ARID1B: variants seen among roughly 807,000 people sequenced by gnomAD.
The protein encoded by ARID1B is AT-rich interaction domain 1B.
ARID1B carries 30 observed loss-of-function variants against 212.3 expected under a neutral mutation model. That is an observed-to-expected ratio of 0.14 (90% CI 0.11 to 0.19). ARID1B has a LOEUF of 0.19. Ranked by LOEUF, ARID1B falls within the 10% of genes least tolerant of loss-of-function variation. The pLI is 1.00. For synonymous variants in ARID1B, 1,402 were observed against 1,301.7 expected, an observed-to-expected ratio of 1.08 and a Z score of -1.66; for missense variants, 2,891 against 3,204.0, an observed-to-expected ratio of 0.90 and a Z score of 2.36.
intron 4 of ARID1B, among the ~76,000 whole-genome samples, chr6:157,077,444 G>A (rs144907009): frequency 4.9e-4 from 74 of 152,146 alleles, no homozygotes; most frequent in African/African-American, 1.3e-3. Context: ...GCCAGGCTCC[G>A]GAGCCTCACC....
intron 4 of ARID1B, among the ~76,000 whole-genome samples, chr6:157,016,808 G>A (rs999970748): frequency 2.0e-5 from 3 of 152,112 alleles, no homozygotes; most frequent in Admixed American, 6.5e-5. Flanking sequence ...CGTTTGTTTC[G>A]ATGTTTAATA....
intron 2 of ARID1B, among the ~76,000 whole-genome samples, chr6:156,853,132 TA>T (rs1784690477): frequency 6.6e-6 from 1 of 152,222 alleles, no homozygotes; most frequent in Non-Finnish European, 1.5e-5. Flanking sequence ...AGGACTGGAT[TA>T]GGAATTAGGA....
At chr6:157,108,497 C>T (rs1035671041) in intron 5 of ARID1B, among the ~76,000 whole-genome samples, 5 of 152,102 alleles carry the variant, frequency 3.3e-5, no homozygotes, top group African/African-American at 1.2e-4. Flanking sequence ...GCTGATTCCC[C>T]AGTGACATTT....
chr6:157,003,858 A>T (rs943934788), intron 4 of ARID1B, among the ~76,000 whole-genome samples: 1 of 151,548 alleles, frequency 6.6e-6, no homozygotes, highest in Non-Finnish European at 1.5e-5. Flanking sequence ...CTGGATAATT[A>T]AAAAAAAATT....
At position 156,778,306 on chromosome 6, in the gene ARID1B, A is replaced by G. The variant is rs1209976011; in HGVS notation, c.626A>G (p.Gln209Arg). 6.5e-7 allele frequency: 1 copy of G among 1,545,294 alleles called. No homozygotes were observed. Among genetic ancestry groups the G allele is most frequent in the Non-Finnish European group, 8.7e-7 (1 of 1,146,714 alleles). ...CAGCAGCAGCAACAGCAGCAGCAGCAGCAGCAGCAACAGCAACATCCCATT... is the reference window on the plus strand; with the variant it reads ...CAGCAGCAGCAACAGCAGCAGCAGCGGCAGCAGCAACAGCAACATCCCATT... The part of the protein sequence containing the change: ...QQQQQQQQQQ[Q>R]QQQQQHPISN... Residue 209 changes from glutamine to arginine, a missense_variant, in exon 1 of 20, where the codon CAG (glutamine) becomes CGG (arginine). By Grantham distance (43) the Gln-to-Arg change is conservative (BLOSUM62 1). Coordinates refer to ENST00000636930, the MANE Select transcript of ARID1B (RefSeq NM_001374828.1).
chr6:156,931,133 G>A (rs1030860454), intron 3 of ARID1B, among the ~76,000 whole-genome samples: 1 of 148,714 alleles, frequency 6.7e-6, no homozygotes, highest in Non-Finnish European at 1.5e-5. Flanking sequence ...GTGCTTGCAG[G>A]GAGCCGAGAT....
intron 7 of ARID1B, among the ~76,000 whole-genome samples, chr6:157,134,742 T>C (rs2128590267): frequency 6.6e-6 from 1 of 152,280 alleles, no homozygotes; most frequent in East Asian, 1.9e-4. Context: ...TTAGCTGTCA[T>C]GGAAAGAAGA....
intron 4 of ARID1B, among the ~76,000 whole-genome samples, chr6:157,046,832 T>G (rs906106931): frequency 6.6e-6 from 1 of 152,232 alleles, no homozygotes; most frequent in Non-Finnish European, 1.5e-5. Flanking sequence ...TTTTCAGCAT[T>G]TTTCTCAAAG....
At position 157,189,365 on chromosome 6, in the gene ARID1B, G is replaced by C. The variant is rs186963127; in HGVS notation, c.3920-277G>C. ...TTGGGATAAATACCCCAGAAAATAA[G>C]TATCCAGTCAAAAGATATAAATGTG... On this transcript the variant is annotated intron_variant, in intron 13 of 19. Coordinates refer to ENST00000636930, the MANE Select transcript of ARID1B (RefSeq NM_001374828.1). 2.9e-3 allele frequency among the ~76,000 whole-genome samples: 443 copies of C among 152,276 alleles called. 3 individuals are homozygous for C. The highest frequency in any genetic ancestry group is 5.4e-3 in the Admixed American group (83 of 15,298).
chr6:156,902,218 C>G (rs181542737), intron 3 of ARID1B: 2 of 152,220 alleles, frequency 1.3e-5, no homozygotes, highest in African/African-American at 4.8e-5. Flanking sequence ...GAGACTGTCA[C>G]TCATGAGTGA....
chr6:157,181,670 A>G (rs564263394), intron 12 of ARID1B, among the ~76,000 whole-genome samples: 2 of 152,326 alleles, frequency 1.3e-5, no homozygotes, highest in Admixed American at 6.5e-5. Context: ...TGTGACCTCC[A>G]GCGGGCTAGG....
At chr6:156,913,194 A>G (rs1483759805) in intron 3 of ARID1B, among the ~76,000 whole-genome samples, 1 of 149,224 alleles carries the variant, frequency 6.7e-6, no homozygotes, top group African/African-American at 2.5e-5. Flanking sequence ...AACGCTTTAC[A>G]TCCACTCAAC....
In ARID1B at chr6:157,098,466, T is replaced by C. The variant is rs116109774; in HGVS notation, c.2492-12006T>C. Among the ~76,000 whole-genome samples the C allele has an allele frequency of 5.5e-3, 831 of 152,312 alleles. 11 individuals carry two copies. The highest frequency in any genetic ancestry group is 0.018 in the African/African-American group (765 of 41,568). On this transcript the variant is annotated intron_variant, in intron 5 of 19. Coordinates refer to ENST00000636930, the MANE Select transcript of ARID1B (RefSeq NM_001374828.1). ...GACCTTGGAATTGTATGCCTGAGCT[T>C]TAAAGCTATTGCAAAGGGTGTGTTT... is the stretch of plus-strand genomic sequence containing the variant.
chr6:156,872,920 G>A (rs940709963), intron 2 of ARID1B, among the ~76,000 whole-genome samples: 13 of 151,988 alleles, frequency 8.6e-5, no homozygotes, highest in African/African-American at 2.9e-4. Flanking sequence ...CGGCCCATCC[G>A]TATTTTATGC....
At position 156,800,839 on chromosome 6, in the gene ARID1B, G is replaced by C. The variant is rs372218356; in HGVS notation, c.1791+21368G>C. Among the ~76,000 whole-genome samples, 13 of 152,208 alleles carry C rather than the reference G, an allele frequency of 8.5e-5. No individual in the cohort carries two copies. In the South Asian group the frequency reaches 1.5e-3, roughly 17 times the overall value. On this transcript the variant is annotated intron_variant, in intron 1 of 19. Transcript: ENST00000636930. The stretch of plus-strand genomic sequence containing the variant: ...GAGGATCACCTGAGCTCAGGAGTTC[G>C]AGGTTGTAGTGAGCCACTGCACTCT...
chr6:156,778,240 A>G lies in ARID1B; in HGVS notation c.560A>G (p.His187Arg), dbSNP rs1778804653. Residue 187 changes from histidine to arginine, a missense_variant, in exon 1 of 20, where the codon CAC becomes CGC. Transcript: ENST00000636930. ...HHHAHHLHHH[H>R]ALQQQLNQFQ... The stretch of plus-strand genomic sequence containing the variant: ...CATGCCCACCACCTCCACCACCACC[A>G]CGCACTACAGCAGCAGCTAAACCAG... The G allele has an allele frequency of 6.5e-7, 1 of 1,540,202 alleles. No individual in the cohort carries two copies. The highest frequency in any genetic ancestry group is 8.7e-7 in the Non-Finnish European group (1 of 1,146,008).
At chr6:156,947,283 T>A (rs957472388) in intron 4 of ARID1B, among the ~76,000 whole-genome samples, 1 of 152,226 alleles carries the variant, frequency 6.6e-6, no homozygotes, top group Non-Finnish European at 1.5e-5. Flanking sequence ...TACTTTTGAA[T>A]GATTTGGGCT....
chr6:156,913,223 T>C lies in ARID1B; in HGVS notation c.2136+11698T>C, dbSNP rs1011914338. Among the ~76,000 whole-genome samples the C allele has an allele frequency of 4.0e-5, 6 of 149,672 alleles. No homozygotes were observed. In the South Asian group the frequency reaches 6.4e-4, roughly 16 times the overall value. On this transcript the variant is annotated intron_variant, in intron 3 of 19. Coordinates refer to ENST00000636930, the MANE Select transcript of ARID1B (RefSeq NM_001374828.1). The stretch of plus-strand genomic sequence containing the variant: ...ACTCAACATTTTTCTTTTTCTTTTT[T>C]TTTTTTTTTTTGAGACAGAGTATCG...
At chr6:156,794,566 C>T (rs933826741) in intron 1 of ARID1B, among the ~76,000 whole-genome samples, 1 of 135,400 alleles carries the variant, frequency 7.4e-6, no homozygotes, top group Non-Finnish European at 1.6e-5. Flanking sequence ...GAGCCTGGCA[C>T]ATTCTTTTTT....
Sources: allele counts gnomAD v4.1 joint callset (sites outside exome capture counted in the v4.1 genomes callset), GRCh38; gene constraint gnomAD v4.1.1; transcripts MANE v1.5; gene names NCBI Gene and HGNC (gene_info 2026-07-23, HGNC 2026-07-21).